CFAP20DC: variants seen among roughly 807,000 people sequenced by gnomAD.
The protein encoded by CFAP20DC is protein CFAP20DC.
Under a neutral mutation model 101.7 loss-of-function variants are expected in CFAP20DC, and 84 were observed. The ratio of observed to expected loss-of-function variants is 0.83; its 90% confidence interval spans 0.69 to 0.99. The LOEUF (loss-of-function observed/expected upper bound fraction) is 0.99, where lower values mean the gene tolerates loss of function less well. Ranked by LOEUF, CFAP20DC falls within the 50% of genes least tolerant of loss-of-function variation. CFAP20DC has a pLI of 0.00. For missense variants in CFAP20DC, 1,007 were observed against 970.3 expected, an observed-to-expected ratio of 1.04 and a Z score of -0.50; for synonymous variants, 359 against 351.2, an observed-to-expected ratio of 1.02 and a Z score of -0.25.
chr3:58,863,541 C>A lies in CFAP20DC; in HGVS notation c.1593+17G>T, dbSNP rs748398313. The A allele has an allele frequency of 1.2e-6, 2 of 1,612,996 alleles. No homozygotes were observed. The highest frequency in any genetic ancestry group is 3.3e-5 in the Admixed American group (2 of 59,980). On this transcript the variant is annotated intron_variant, in intron 12 of 16. Transcript: ENST00000482387. This position sits in a 1 kb window ranked among gnomAD's most constrained non-coding sequence, Gnocchi z 5.9. ...ACAACTGTGCTTCAAGACTACTTCA[C>A]TTATCAAGCAGTGTACCTCTTCACT...
At chr3:58,986,620 T>C (rs550782418) in intron 4 of CFAP20DC, among the ~76,000 whole-genome samples, 1 of 152,306 alleles carries the variant, frequency 6.6e-6, no homozygotes, top group African/African-American at 2.4e-5. Flanking sequence ...AATTAAGTCC[T>C]TAAGACCAAA....
intron 5 of CFAP20DC, among the ~76,000 whole-genome samples, chr3:58,934,452 G>GAC (rs2087221007): frequency 2.0e-5 from 3 of 152,008 alleles, no homozygotes; most frequent in African/African-American, 7.3e-5. Flanking sequence ...TACCAAAGCT[G>GAC]GGCAGAGACA....
At chr3:58,771,406 CA>C (rs544858645) in intron 15 of CFAP20DC, among the ~76,000 whole-genome samples, 19 of 149,382 alleles carry the variant, frequency 1.3e-4, no homozygotes, top group East Asian at 5.9e-4. Flanking sequence ...TAATAAAAAA[CA>C]AAAAAAAACA....
At chr3:58,741,074 C>G (rs1483365394), downstream of CFAP20DC, among the ~76,000 whole-genome samples, 3 of 152,158 alleles carry the variant, frequency 2.0e-5, no homozygotes, top group African/African-American at 7.2e-5. Flanking sequence ...AAAAAGAGCT[C>G]TTACTTCCTC....
intron 4 of CFAP20DC, among the ~76,000 whole-genome samples, chr3:58,990,178 T>A (rs2092892959): frequency 6.6e-6 from 1 of 152,056 alleles, no homozygotes; most frequent in Admixed American, 6.6e-5. Flanking sequence ...ATGAAGAAAT[T>A]AACAACTCCA....
chr3:58,925,832 C>T (rs953839532), intron 5 of CFAP20DC, among the ~76,000 whole-genome samples: 3 of 152,154 alleles, frequency 2.0e-5, no homozygotes, highest in African/African-American at 7.2e-5. Context: ...GAATCTAGCT[C>T]CAGAGGTCAC....
rs951720468 is a variant in CFAP20DC, at chr3:58,868,193, A to T, written c.1016-257T>A. ...CCTTATAGAGGGCTAAAGTAATTTG[A>T]CTAATGTTAATCATACAACATGGCA... is the stretch of plus-strand genomic sequence containing the variant. On this transcript the variant is annotated intron_variant, in intron 9 of 16. Coordinates refer to ENST00000482387, the MANE Select transcript of CFAP20DC (RefSeq NM_001394063.1). The surrounding 1 kb of genome is among the most constrained non-coding windows in gnomAD (Gnocchi z 4.6). Among the ~76,000 whole-genome samples the T allele has an allele frequency of 6.6e-6, 1 of 152,174 alleles. No individual in the cohort carries two copies. The highest frequency in any genetic ancestry group is 1.5e-5 in the Non-Finnish European group (1 of 68,002).
chr3:58,890,291 G>A (rs1474913717), intron 6 of CFAP20DC, among the ~76,000 whole-genome samples: 15 of 147,734 alleles, frequency 1.0e-4, no homozygotes, highest in Non-Finnish European at 1.8e-4. Flanking sequence ...CGGACGGGGC[G>A]GCTGTCCGGG....
chr3:58,942,444 C>A (rs755854343), intron 4 of CFAP20DC, among the ~76,000 whole-genome samples: 2 of 152,146 alleles, frequency 1.3e-5, no homozygotes, highest in Non-Finnish European at 2.9e-5. Context: ...CAGGGTGGGG[C>A]GTTGCCTCAC....
At chr3:58,849,971 T>G (rs1316772800) in intron 12 of CFAP20DC, among the ~76,000 whole-genome samples, 2 of 152,186 alleles carry the variant, frequency 1.3e-5, no homozygotes, top group East Asian at 3.8e-4. Flanking sequence ...CATGAAAATT[T>G]TAGTTTTAGA....
chr3:58,850,015 A>C (rs541009952), intron 12 of CFAP20DC, among the ~76,000 whole-genome samples: 2 of 152,210 alleles, frequency 1.3e-5, no homozygotes, highest in Admixed American at 6.5e-5. Context: ...GAACGTCATT[A>C]AATATAAATA....
Position 59,046,219 on chromosome 3 carries a change from T to C in CFAP20DC, c.205+10A>G, listed in dbSNP as rs368763654. On this transcript the variant is annotated intron_variant, in intron 3 of 16. Coordinates refer to ENST00000482387, the MANE Select transcript of CFAP20DC (RefSeq NM_001394063.1). ...AAATGTTAAGTTTCAATATTAAAAA[T>C]ATTACTTACGGCTTTGCTTATTCTC... The C allele has an allele frequency of 2.6e-6, 4 of 1,515,020 alleles. No individual in the cohort carries two copies. The South Asian group carries it at 4.9e-5, about 18-fold the overall frequency. The allele number at this position is 1,515,020 out of a possible 1,614,324, so 93.8% of individuals were successfully genotyped here.
intron 6 of CFAP20DC, among the ~76,000 whole-genome samples, chr3:58,901,414 A>C (rs1176564440): frequency 6.6e-6 from 1 of 152,216 alleles, no homozygotes; most frequent in Admixed American, 6.5e-5. Flanking sequence ...TTGGCACAAC[A>C]ACTCTACCTT....
At chr3:58,873,934 C>G (rs150568369) in intron 7 of CFAP20DC, among the ~76,000 whole-genome samples, 12 of 149,082 alleles carry the variant, frequency 8.0e-5, no homozygotes, top group Middle Eastern at 3.4e-3. Flanking sequence ...GGCAGGTGTT[C>G]AAGCAGAAGT....
rs1366710667 is a variant in CFAP20DC at position 58,869,564 on chromosome 3, CATA to C, written c.853-77_853-75del. 1.7e-6 allele frequency: 2 copies of C among 1,210,882 alleles called. No homozygotes were observed. Among genetic ancestry groups the C allele is most frequent in the African/African-American group, 1.5e-5 (1 of 64,552 alleles). 75.0% of individuals were successfully genotyped at this position (1,210,882 alleles called of 1,614,324 possible). On this transcript the variant is annotated intron_variant, in intron 8 of 16. Transcript: ENST00000482387. The surrounding 1 kb of genome is among the most constrained non-coding windows in gnomAD (Gnocchi z 4.3). Reference sequence around the variant, plus strand: ...TTTTCTGTAGAAGCTATATAGAAAACATAATATTTGGACCAATGAAGAGTGAGA... The same window carrying C: ...TTTTCTGTAGAAGCTATATAGAAAACATATTTGGACCAATGAAGAGTGAGA...
At chr3:58,768,037 G>C (rs2070480535) in intron 15 of CFAP20DC, among the ~76,000 whole-genome samples, 1 of 152,084 alleles carries the variant, frequency 6.6e-6, no homozygotes. Context: ...CTTTTTTCAA[G>C]ATACAGTAGG....
intron 4 of CFAP20DC, among the ~76,000 whole-genome samples, chr3:58,974,726 GT>G (rs2092171754): frequency 6.6e-6 from 1 of 152,148 alleles, no homozygotes; most frequent in Non-Finnish European, 1.5e-5. Context: ...CCAGGTGGAG[GT>G]TGTTAGGGGG....
At chr3:58,896,856 C>T (rs1213487405) in intron 6 of CFAP20DC, among the ~76,000 whole-genome samples, 2 of 152,026 alleles carry the variant, frequency 1.3e-5, no homozygotes, top group East Asian at 3.8e-4. Context: ...AGAATGTATA[C>T]TCTGTTGTTT....
downstream of CFAP20DC, chr3:58,717,261 G>T: frequency 5.6e-6 from 1 of 178,006 alleles, no homozygotes; most frequent in South Asian, 1.2e-4. The surrounding 1 kb of genome is among the most constrained non-coding windows in gnomAD (Gnocchi z 4.1). Flanking sequence ...TGTATTGCTG[G>T]CTTGCCAATT....
Sources: gnomAD v4.1 joint callset for allele counts (sites outside exome capture counted in the v4.1 genomes callset) on GRCh38, gnomAD v4.1.1 for gene constraint, Gnocchi (gnomAD v3.1) non-coding constraint, MANE v1.5 for transcripts, NCBI Gene and HGNC (gene_info 2026-07-23, HGNC 2026-07-21) for gene names.